ME3: variants seen among roughly 807,000 people sequenced by gnomAD.
ME3 encodes the protein NADP-dependent malic enzyme, mitochondrial.
A neutral mutation model predicts 68.9 loss-of-function variants in ME3; 48 were observed. The observed-to-expected ratio is 0.70, with a 90% CI of 0.55 to 0.89. ME3 has a LOEUF of 0.89. Ranked by LOEUF, ME3 falls within the 40% of genes least tolerant of loss-of-function variation. The pLI, the probability that ME3 is intolerant of heterozygous loss-of-function variation, is 0.00. For synonymous variants in ME3, 320 were observed against 318.8 expected (o/e 1.00, Z -0.04); for missense variants, 675 against 797.4 (o/e 0.85, Z 1.85).
intron 7 of ME3, among the ~76,000 whole-genome samples, chr11:86,484,617 A>G (rs1285294677): frequency 6.6e-6 from 1 of 152,118 alleles, no homozygotes; most frequent in African/African-American, 2.4e-5. Context: ...AGTTTATTTA[A>G]CCTTCTCACA....
chr11:86,550,048 C>T (rs1489326260), intron 4 of ME3, among the ~76,000 whole-genome samples: 1 of 152,178 alleles, frequency 6.6e-6, no homozygotes, highest in Non-Finnish European at 1.5e-5. Flanking sequence ...GTTCTCAGCC[C>T]TGGCTGCCCA....
intron 2 of ME3, among the ~76,000 whole-genome samples, chr11:86,603,144 C>G (rs1273731926): frequency 1.3e-5 from 2 of 152,134 alleles, no homozygotes; most frequent in Admixed American, 6.5e-5. Context: ...AAGAAACTAC[C>G]ATCAGAGTGA....
chr11:86,551,007 G>A (rs557502711), intron 4 of ME3, among the ~76,000 whole-genome samples: 65 of 151,972 alleles, frequency 4.3e-4, no homozygotes, highest in Admixed American at 7.2e-4. Flanking sequence ...TTGCCGGTGG[G>A]CTGGTGGAGG....
rs368589597 is a variant in ME3, at chr11:86,591,589, C to G, written c.184-31766G>C. On this transcript the variant is annotated intron_variant, in intron 2 of 14. Coordinates refer to ENST00000543262, the Ensembl canonical transcript of ME3. ...TCTTGATCTTGGAGATTGTATTACT[C>G]TGTTCTCATGCTGCTAATAAAGATA... Among the ~76,000 whole-genome samples the G allele has an allele frequency of 4.6e-5, 7 of 152,266 alleles. No homozygotes were observed. The East Asian group carries it at 5.8e-4, about 13-fold the overall frequency.
chr11:86,485,960 C>G (rs536395593), intron 7 of ME3, among the ~76,000 whole-genome samples: 1 of 152,314 alleles, frequency 6.6e-6, no homozygotes, highest in East Asian at 1.9e-4. Flanking sequence ...GCTTCCCAGT[C>G]TGGACATTCT....
chr11:86,610,720 C>CG (rs563905152), intron 2 of ME3, among the ~76,000 whole-genome samples: 17 of 33,318 alleles, frequency 5.1e-4, no homozygotes, highest in African/African-American at 6.7e-4. Context: ...TAGGGGGTGG[C>CG]GGGGGGGCAG....
At chr11:86,521,431 AAATAATAAT>A (rs1555221578) in intron 4 of ME3, among the ~76,000 whole-genome samples, 1 of 145,924 alleles carries the variant, frequency 6.9e-6, no homozygotes, top group African/African-American at 2.6e-5. Context: ...AACAAAACAA[AAATAATAAT>A]AATAATAATA....
downstream of ME3, among the ~76,000 whole-genome samples, chr11:86,439,621 T>C (rs4943940): frequency 0.34 from 51,462 of 151,800 alleles, 9,139 homozygotes; most frequent in Admixed American, 0.41. Flanking sequence ...TGAAAGCACA[T>C]GTGCTTAGGG....
intron 10 of ME3, among the ~76,000 whole-genome samples, chr11:86,449,439 T>C (rs989304234): frequency 2.0e-5 from 3 of 152,202 alleles, no homozygotes; most frequent in African/African-American, 7.2e-5. Flanking sequence ...GTATGGAGCA[T>C]AGATGCAGGA....
chr11:86,671,536 A>C (rs1946941468), intron 2 of ME3, among the ~76,000 whole-genome samples: 1 of 152,270 alleles, frequency 6.6e-6, no homozygotes. Flanking sequence ...TTGTTACTGC[A>C]GAAGAAATTA....
chr11:86,617,040 T>A, intron 2 of ME3, among the ~76,000 whole-genome samples: 1 of 126,462 alleles, frequency 7.9e-6, no homozygotes, highest in African/African-American at 2.9e-5. Context: ...TACTCCAAGA[T>A]AGTAGTTTTT....
At chr11:86,460,303 T>C (rs1950167774) in intron 8 of ME3, among the ~76,000 whole-genome samples, 1 of 152,148 alleles carries the variant, frequency 6.6e-6, no homozygotes, top group African/African-American at 2.4e-5. Context: ...CCTGGGGAGC[T>C]CTCTTCCCTT....
intron 4 of ME3, 65 bp downstream of exon 4, chr11:86,556,488 C>T (rs570567496): frequency 1.2e-5 from 19 of 1,540,136 alleles, no homozygotes; most frequent in South Asian, 9.9e-5. Flanking sequence ...GCATGAAGGG[C>T]GGAAAGAATT....
chr11:86,598,423 G>A (rs562954850), intron 2 of ME3, among the ~76,000 whole-genome samples: 33 of 152,334 alleles, frequency 2.2e-4, no homozygotes, highest in African/African-American at 4.8e-4. Flanking sequence ...GCCCAGACTC[G>A]CTTAGGTAAA....
At chr11:86,580,824 G>A (rs974674681) in intron 2 of ME3, among the ~76,000 whole-genome samples, 3 of 152,176 alleles carry the variant, frequency 2.0e-5, no homozygotes, top group Admixed American at 1.3e-4. Context: ...TGCATTCTTT[G>A]TTGTGATTTT....
At chr11:86,573,262 G>A (rs867903730) in intron 2 of ME3, among the ~76,000 whole-genome samples, 1 of 152,062 alleles carries the variant, frequency 6.6e-6, no homozygotes, top group Non-Finnish European at 1.5e-5. Context: ...TTCCTTTGCT[G>A]TTGAGAAGCT....
Position 86,447,437 on chromosome 11 carries a change from T to G in ME3, c.1238-230A>C, listed in dbSNP as rs142148806. On this transcript the variant is annotated intron_variant, in intron 11 of 14. Transcript: ENST00000543262. ...CTGGTCCACCTCAGGTCCCTGCCAGTTAAGCTGCTCCTGTGAAGGCATTCC... is the reference window on the plus strand; with the variant it reads ...CTGGTCCACCTCAGGTCCCTGCCAGGTAAGCTGCTCCTGTGAAGGCATTCC... 1.8e-4 allele frequency among the ~76,000 whole-genome samples: 27 copies of G among 152,284 alleles called. 1 individual carries two copies. The East Asian group carries it at 5.2e-3, about 29-fold the overall frequency.
chr11:86,646,702 C>A (rs1042192749), intron 2 of ME3, among the ~76,000 whole-genome samples: 2 of 152,014 alleles, frequency 1.3e-5, no homozygotes, highest in African/African-American at 4.8e-5. Flanking sequence ...ATGCAGAGAA[C>A]AAAACTAAGA....
chr11:86,498,810 GTAT>G (rs1172751352), intron 5 of ME3, among the ~76,000 whole-genome samples: 1 of 152,080 alleles, frequency 6.6e-6, no homozygotes, highest in Non-Finnish European at 1.5e-5. Flanking sequence ...AGGAATAATT[GTAT>G]TATTATAATG....
Sources: gnomAD v4.1 joint callset for allele counts (sites outside exome capture counted in the v4.1 genomes callset) on GRCh38, gnomAD v4.1.1 for gene constraint, MANE v1.5 for transcripts, NCBI Gene and HGNC (gene_info 2026-07-23, HGNC 2026-07-21) for gene names.